Variants in LRRC37A observed in about 807,000 individuals in gnomAD.
The protein encoded by LRRC37A is leucine-rich repeat-containing protein 37A.
LRRC37A carries 3 observed loss-of-function variants against 35.4 expected under a neutral mutation model. That is an observed-to-expected ratio of 0.08 (90% CI 0.04 to 0.22). The LOEUF is 0.22. LRRC37A is among the 10% of genes least tolerant of loss of function. The pLI, the probability that LRRC37A is intolerant of heterozygous loss-of-function variation, is 1.00. For synonymous variants in LRRC37A, 23 were observed against 215.0 expected, an observed-to-expected ratio of 0.11 and a Z score of 7.81; for missense variants, 67 against 565.3, an observed-to-expected ratio of 0.12 and a Z score of 8.94.
upstream of LRRC37A, among the ~76,000 whole-genome samples, chr17:46,288,137 T>C (rs147042872): frequency 1.2e-3 from 186 of 151,884 alleles, no homozygotes; most frequent in Non-Finnish European, 2.1e-3. Flanking sequence ...GGCTATGTAG[T>C]TTATCCTGTT....
At chr17:46,289,785 A>AT (rs1373302015), upstream of LRRC37A, among the ~76,000 whole-genome samples, 1 of 150,308 alleles carries the variant, frequency 6.7e-6, no homozygotes, top group Non-Finnish European at 1.5e-5. Context: ...AGAGTTTTTA[A>AT]TTTTTTTAAT....
upstream of LRRC37A, among the ~76,000 whole-genome samples, chr17:46,290,082 G>A (rs955636982): frequency 1.1e-4 from 16 of 152,276 alleles, no homozygotes; most frequent in African/African-American, 3.9e-4. Flanking sequence ...TGGCACCACT[G>A]TGCTGCAATG....
the LRRC37A span, among the ~76,000 whole-genome samples, chr17:46,278,858 C>T: frequency 2.0e-5 from 3 of 151,788 alleles, no homozygotes; most frequent in Admixed American, 2.0e-4. Flanking sequence ...AGTGCAATGG[C>T]ATGGTTTTGG....
At chr17:46,289,835 A>G (rs1299480935), upstream of LRRC37A, among the ~76,000 whole-genome samples, 22 of 152,170 alleles carry the variant, frequency 1.4e-4, no homozygotes, top group Non-Finnish European at 7.3e-5. Context: ...CTTTGAAAAA[A>G]TTCATCCAGC....
At chr17:46,290,024 T>G (rs1488354824), upstream of LRRC37A, among the ~76,000 whole-genome samples, 5 of 152,238 alleles carry the variant, frequency 3.3e-5, no homozygotes, top group African/African-American at 1.2e-4. Context: ...AAGGCTGAGG[T>G]TGGAGGCTCC....
chr17:46,275,557 C>T, the LRRC37A span: 22 of 505,490 alleles, frequency 4.4e-5, no homozygotes, highest in Admixed American at 1.2e-4. Flanking sequence ...TAGAAAAGAA[C>T]GATTAAGAAA....
At chr17:46,261,747 A>AAAGAAG in the LRRC37A span, among the ~76,000 whole-genome samples, 1 of 120,772 alleles carries the variant, frequency 8.3e-6, no homozygotes, top group African/African-American at 2.5e-5. Context: ...AAAAAAAAAA[A>AAAGAAG]AAGAAGAAGA....
the LRRC37A span, among the ~76,000 whole-genome samples, chr17:46,253,832 T>C: frequency 6.6e-6 from 1 of 152,166 alleles, no homozygotes; most frequent in African/African-American, 2.4e-5. Context: ...ATTTCCTCTT[T>C]AGTGCAACTC....
At chr17:46,252,214 ATTTT>A in the LRRC37A span, among the ~76,000 whole-genome samples, 4 of 150,360 alleles carry the variant, frequency 2.7e-5, no homozygotes, top group African/African-American at 9.8e-5. Flanking sequence ...TGATTCATTG[ATTTT>A]TTTTTTCAGA....
chr17:46,267,570 G>C, the LRRC37A span: 1 of 1,612,050 alleles, frequency 6.2e-7, no homozygotes. Flanking sequence ...ACCACCGTTT[G>C]TAACGTGGGT....
the LRRC37A span, among the ~76,000 whole-genome samples, chr17:46,275,590 C>T: frequency 6.6e-6 from 1 of 152,216 alleles, no homozygotes; most frequent in Non-Finnish European, 1.5e-5. Flanking sequence ...AATAATAAAA[C>T]TTTTCACTGT....
chr17:46,274,581 C>A, the LRRC37A span, among the ~76,000 whole-genome samples: 5 of 152,212 alleles, frequency 3.3e-5, no homozygotes, highest in African/African-American at 4.8e-5. Flanking sequence ...TTATATGTAA[C>A]CGTGGCTGGA....
chr17:46,267,122 G>T, the LRRC37A span: 5 of 459,548 alleles, frequency 1.1e-5, no homozygotes, highest in African/African-American at 2.1e-5. Flanking sequence ...GGGCATGGAC[G>T]GGCGAGAGGC....
the LRRC37A span, among the ~76,000 whole-genome samples, chr17:46,251,258 C>CTTTT: frequency 7.1e-6 from 1 of 140,622 alleles, no homozygotes; most frequent in Non-Finnish European, 1.6e-5. Flanking sequence ...TGCTTAACAT[C>CTTTT]TTTTTTTTTT....
At chr17:46,286,760 C>T in the LRRC37A span, among the ~76,000 whole-genome samples, 19 of 152,324 alleles carry the variant, frequency 1.2e-4, no homozygotes, top group African/African-American at 4.6e-4. Context: ...ATTTGGCTTC[C>T]TAAATTATTA....
chr17:46,335,687 C>A, intron 11 of LRRC37A, 93 bp downstream of exon 11: 2 of 127,018 alleles, frequency 1.6e-5, no homozygotes, highest in African/African-American at 4.5e-5. Context: ...ACGATCTCGG[C>A]TCACGGCAAC....
At chr17:46,249,383 C>T in the LRRC37A span, among the ~76,000 whole-genome samples, 1 of 152,234 alleles carries the variant, frequency 6.6e-6, no homozygotes, top group South Asian at 2.1e-4. Flanking sequence ...GCCTGACACA[C>T]TCCTCCCCAG....
the LRRC37A span, among the ~76,000 whole-genome samples, chr17:46,261,396 T>C: frequency 2.0e-5 from 3 of 152,152 alleles, no homozygotes; most frequent in Admixed American, 6.6e-5. Context: ...GGAGGATGGT[T>C]ACTACAAACT....
upstream of LRRC37A, among the ~76,000 whole-genome samples, chr17:46,290,644 G>A (rs1409586005): frequency 1.3e-5 from 2 of 152,042 alleles, no homozygotes; most frequent in African/African-American, 4.8e-5. Context: ...ACGGGGTTTC[G>A]CCCTGTTAGC....
Sources: allele counts gnomAD v4.1 joint callset (sites outside exome capture counted in the v4.1 genomes callset), GRCh38; gene constraint gnomAD v4.1.1; transcripts MANE v1.5; gene names NCBI Gene and HGNC (gene_info 2026-07-23, HGNC 2026-07-21).